The following UBE2G1 variants were observed in gnomAD, a reference collection of about 807,000 sequenced individuals.
UBE2G1 encodes the protein ubiquitin-conjugating enzyme E2 G1.
A neutral mutation model predicts 22.7 loss-of-function variants in UBE2G1; 5 were observed. The ratio of observed to expected loss-of-function variants is 0.22; its 90% CI spans 0.12 to 0.46. The LOEUF is 0.46. Ranked by LOEUF, UBE2G1 falls within the 20% of genes least tolerant of loss-of-function variation. UBE2G1 has a pLI of 0.99. For synonymous variants in UBE2G1, 74 were observed against 67.5 expected (o/e 1.10, Z -0.47); for missense variants, 88 against 203.9 (o/e 0.43, Z 3.46).
At chr17:4,320,446 A>G (rs1263615871) in intron 1 of UBE2G1, among the ~76,000 whole-genome samples, 1 of 152,222 alleles carries the variant, frequency 6.6e-6, no homozygotes, top group African/African-American at 2.4e-5. Flanking sequence ...GTTGTCATTC[A>G]TATGCAACTT....
chr17:4,337,046 C>G (rs938972930), intron 1 of UBE2G1, among the ~76,000 whole-genome samples: 1 of 152,088 alleles, frequency 6.6e-6, no homozygotes, highest in Non-Finnish European at 1.5e-5. Context: ...TTTATGTACT[C>G]TCTCTCCTTA....
At chr17:4,366,184 G>C in intron 1 of UBE2G1, 87 bp downstream of exon 1, 1 of 1,397,970 alleles carries the variant, frequency 7.2e-7, no homozygotes. Context: ...CGGCAGTACG[G>C]CCGCTGGCCC....
intron 1 of UBE2G1, among the ~76,000 whole-genome samples, chr17:4,313,929 A>G (rs2143746209): frequency 6.6e-6 from 1 of 152,312 alleles, no homozygotes; most frequent in Admixed American, 6.5e-5. Flanking sequence ...AATGACTTCT[A>G]TGTGTTAAGT....
intron 1 of UBE2G1, among the ~76,000 whole-genome samples, chr17:4,340,027 G>C (rs569498075): frequency 6.6e-6 from 1 of 152,314 alleles, no homozygotes; most frequent in African/African-American, 2.4e-5. Context: ...CTGGCTGTGG[G>C]CTCAAGCTAT....
Position 4,320,608 on chromosome 17 carries a change from C to A in UBE2G1, c.47-13485G>T, listed in dbSNP as rs149889707. Among the ~76,000 whole-genome samples, 156 of 152,254 alleles carry A rather than the reference C, an allele frequency of 1.0e-3. 1 individual carries two copies. In the East Asian group the frequency reaches 0.025, roughly 24 times the overall value. The stretch of plus-strand genomic sequence containing the variant: ...TAAGTAGTAGAATATTTTCAACTTT[C>A]TTTTATGTACTTTGATTTTTTAAAT... On this transcript the variant is annotated intron_variant, in intron 1 of 5. Transcript: ENST00000396981.
chr17:4,273,256 G>A (rs1012499218), intron 5 of UBE2G1, among the ~76,000 whole-genome samples: 1 of 152,168 alleles, frequency 6.6e-6, no homozygotes, highest in African/African-American at 2.4e-5. Context: ...CATTATGAAG[G>A]AGTCTCCCCT....
At chr17:4,356,671 C>T (rs1969909710) in intron 1 of UBE2G1, among the ~76,000 whole-genome samples, 1 of 152,136 alleles carries the variant, frequency 6.6e-6, no homozygotes, top group Non-Finnish European at 1.5e-5. Flanking sequence ...AGTTCAAGAC[C>T]AGCCTGAGCA....
chr17:4,356,425 C>G (rs938622490), intron 1 of UBE2G1, among the ~76,000 whole-genome samples: 6 of 152,294 alleles, frequency 3.9e-5, no homozygotes, highest in East Asian at 1.9e-4. Context: ...TGTAGCACCT[C>G]AAGGTAGGGA....
intron 4 of UBE2G1, among the ~76,000 whole-genome samples, chr17:4,284,158 CA>C (rs544931688): frequency 1.4e-3 from 155 of 108,956 alleles, no homozygotes; most frequent in African/African-American, 4.0e-3. Context: ...CTCCGTCTCT[CA>C]AAAAAAAAAA....
At chr17:4,345,902 A>G (rs534313687) in intron 1 of UBE2G1, 1 of 152,324 alleles carries the variant, frequency 6.6e-6, no homozygotes, top group African/African-American at 2.4e-5. Context: ...AACAACCTAC[A>G]GTTCTATTCA....
intron 3 of UBE2G1, among the ~76,000 whole-genome samples, chr17:4,293,723 G>A (rs561529175): frequency 6.6e-6 from 1 of 152,210 alleles, no homozygotes; most frequent in South Asian, 2.1e-4. Context: ...GGTAAAAAGT[G>A]GTATTTCATT....
intron 4 of UBE2G1, 137 bp from the exon 5 acceptor site, chr17:4,283,058 A>G (rs1234164615): frequency 1.4e-6 from 1 of 720,624 alleles, no homozygotes. Flanking sequence ...AAAGGTAGAA[A>G]GCAGTTAGAC....
rs796188897 is a variant in UBE2G1, at chr17:4,296,405, G to C, written c.247+312C>G. On this transcript the variant is annotated intron_variant, in intron 3 of 5. Coordinates refer to ENST00000396981, the MANE Select transcript of UBE2G1 (RefSeq NM_003342.5). ...AGCCTCCGAAGTAGCTGGGATTACA[G>C]GTGTGTGCCACCATGCCTAACTAAT... 2.0e-5 allele frequency among the ~76,000 whole-genome samples: 3 copies of C among 152,242 alleles called. No homozygotes were observed. In the South Asian group the frequency reaches 6.2e-4, roughly 32 times the overall value.
chr17:4,279,349 A>C (rs551287049), intron 5 of UBE2G1, among the ~76,000 whole-genome samples: 161 of 152,226 alleles, frequency 1.1e-3, no homozygotes, highest in African/African-American at 1.5e-3. Flanking sequence ...ATTGTAGAAC[A>C]TAACAGGCAC....
rs113083962 is a variant in UBE2G1 at position 4,292,753 on chromosome 17, C to A, written c.248-3345G>T. 9.6e-4 allele frequency among the ~76,000 whole-genome samples: 146 copies of A among 152,302 alleles called. 1 individual carries two copies. Among genetic ancestry groups the A allele is most frequent in the African/African-American group, 3.3e-3 (137 of 41,542 alleles). ...ATTTGACTTTTGATGTTATCCTAAT[C>A]TCCAACATTAACTATATTTTCCGTA... On this transcript the variant is annotated intron_variant, in intron 3 of 5. Transcript: ENST00000396981.
At chr17:4,318,576 C>T (rs1219897196) in intron 1 of UBE2G1, among the ~76,000 whole-genome samples, 1 of 152,216 alleles carries the variant, frequency 6.6e-6, no homozygotes, top group Non-Finnish European at 1.5e-5. Context: ...AGTTAGAAGT[C>T]AGTTTTCCTT....
intron 1 of UBE2G1, among the ~76,000 whole-genome samples, chr17:4,353,996 T>C (rs1567530637): frequency 6.6e-6 from 1 of 152,054 alleles, no homozygotes; most frequent in Non-Finnish European, 1.5e-5. Flanking sequence ...CCCAGCATTT[T>C]TAAGGTCTTC....
intron 5 of UBE2G1, among the ~76,000 whole-genome samples, chr17:4,274,629 G>A (rs548116553): frequency 6.6e-6 from 1 of 152,276 alleles, no homozygotes; most frequent in East Asian, 1.9e-4. Flanking sequence ...CTTTCCAAAA[G>A]ACATGTACCA....
At chr17:4,308,982 G>A (rs1200474940) in intron 1 of UBE2G1, among the ~76,000 whole-genome samples, 1 of 152,226 alleles carries the variant, frequency 6.6e-6, no homozygotes, top group African/African-American at 2.4e-5. Context: ...ATTTAGGCAG[G>A]GCGTGGTGGC....
Sources: allele counts gnomAD v4.1 joint callset (sites outside exome capture counted in the v4.1 genomes callset), GRCh38; gene constraint gnomAD v4.1.1; transcripts MANE v1.5; gene names NCBI Gene and HGNC (gene_info 2026-07-23, HGNC 2026-07-21).